Variants in PALM2AKAP2 observed in about 807,000 individuals in gnomAD.
PALM2AKAP2 encodes the protein PALM2-AKAP2 fusion protein.
In PALM2AKAP2, 37 loss-of-function variants were observed where a neutral mutation model predicts 71.5. The ratio of observed to expected loss-of-function variants is 0.52; its 90% CI spans 0.40 to 0.68. The LOEUF (loss-of-function observed/expected upper bound fraction) is 0.68. PALM2AKAP2 is among the 30% of genes least tolerant of loss of function. The probability of loss-of-function intolerance (pLI) is 0.00; values close to 1 mark genes in which losing one functional copy is unlikely to be tolerated. For synonymous variants in PALM2AKAP2, 468 were observed against 478.8 expected (o/e 0.98, Z 0.29); for missense variants, 1,224 against 1,191.8 (o/e 1.03, Z -0.40).
chr9:109,945,206 ATTT>A (rs1831475565), intron 6 of PALM2AKAP2: 1 of 152,148 alleles, frequency 6.6e-6, no homozygotes, highest in Non-Finnish European at 1.5e-5. Flanking sequence ...AAATAATTGC[ATTT>A]TAATGAGCAC....
intron 1 of PALM2AKAP2, among the ~76,000 whole-genome samples, chr9:109,841,262 A>C (rs1410986053): frequency 6.6e-6 from 1 of 150,650 alleles, no homozygotes; most frequent in East Asian, 2.0e-4. Context: ...AAACTATCGC[A>C]GGGACAAAAA....
rs933829553 is a variant in PALM2AKAP2, at chr9:110,135,187, A to G, written c.157-940A>G. Among the ~76,000 whole-genome samples, 2 of 114,500 alleles carry G rather than the reference A, an allele frequency of 1.7e-5. 1 individual carries two copies. Among genetic ancestry groups the G allele is most frequent in the East Asian group, 4.6e-4 (2 of 4,350 alleles). The allele number at this position is 114,500 out of a possible 152,430, so 75.1% of individuals were successfully genotyped here. A position where few individuals can be genotyped will look rare whatever the true frequency, so the allele number is the denominator to read the frequency against. On this transcript the variant is annotated intron_variant, in intron 1 of 3. Transcript: ENST00000374525. ...AAAATATATAAATATATATATATAT[A>G]TAAATCAGCCAGGGGTGATGGCACA...
At chr9:110,137,220 A>G in exon 2 of PALM2AKAP2, 1 of 1,614,230 alleles carries the variant, frequency 6.2e-7, no homozygotes, top group Admixed American at 1.7e-5. Context: ...GCTGCTCGCA[A>G]ACAATTTCAG....
chr9:110,050,995 G>C (rs1833699391), intron 1 of PALM2AKAP2, among the ~76,000 whole-genome samples: 1 of 152,106 alleles, frequency 6.6e-6, no homozygotes, highest in African/African-American at 2.4e-5. Context: ...CAATTATCTT[G>C]GACAGCACCA....
At chr9:110,096,789 T>G (rs1834850464) in intron 1 of PALM2AKAP2, among the ~76,000 whole-genome samples, 3 of 145,982 alleles carry the variant, frequency 2.1e-5, no homozygotes, top group Non-Finnish European at 3.0e-5. Context: ...TTGTGGGGGG[T>G]TGGGGGGGGG....
At chr9:109,798,583 C>T (rs1307938237) in intron 1 of PALM2AKAP2, among the ~76,000 whole-genome samples, 1 of 152,208 alleles carries the variant, frequency 6.6e-6, no homozygotes, top group Non-Finnish European at 1.5e-5. Flanking sequence ...TAAACATACC[C>T]TCACCTAGCC....
At chr9:109,836,987 T>G (rs917875854) in intron 1 of PALM2AKAP2, among the ~76,000 whole-genome samples, 1 of 152,114 alleles carries the variant, frequency 6.6e-6, no homozygotes, top group African/African-American at 2.4e-5. Flanking sequence ...TTCCCCAACA[T>G]AGCAATGCAG....
At chr9:109,915,836 C>T (rs1830675635) in intron 3 of PALM2AKAP2, among the ~76,000 whole-genome samples, 1 of 152,080 alleles carries the variant, frequency 6.6e-6, no homozygotes, top group South Asian at 2.1e-4. Flanking sequence ...CACCTGAGTT[C>T]ACAGACAAGA....
rs537746332 is a variant in PALM2AKAP2, at chr9:109,794,693, G to A, written c.45+14160G>A. ...GACCCTAGTGTCTCTGAATCATTAA[G>A]TACTTCCTTTCTGCCCTCTTCCATT... is the stretch of plus-strand genomic sequence containing the variant. On this transcript the variant is annotated intron_variant, in intron 1 of 9. Transcript: ENST00000302798. Among the ~76,000 whole-genome samples the A allele has an allele frequency of 8.5e-5, 13 of 152,304 alleles. No individual in the cohort carries two copies. The South Asian group carries it at 1.9e-3, about 22-fold the overall frequency.
At chr9:110,155,770 T>G (rs1415865290) in intron 2 of PALM2AKAP2, among the ~76,000 whole-genome samples, 1 of 152,234 alleles carries the variant, frequency 6.6e-6, no homozygotes, top group Non-Finnish European at 1.5e-5. Context: ...TCAAAGGTTT[T>G]ATAACACTGG....
At chr9:110,059,453 T>G (rs1428802062) in intron 1 of PALM2AKAP2, among the ~76,000 whole-genome samples, 1 of 152,250 alleles carries the variant, frequency 6.6e-6, no homozygotes, top group Non-Finnish European at 1.5e-5. Context: ...ATGGACATTA[T>G]CCTTGAAATA....
At chr9:110,108,403 C>T (rs1835167650) in intron 1 of PALM2AKAP2, among the ~76,000 whole-genome samples, 1 of 152,008 alleles carries the variant, frequency 6.6e-6, no homozygotes, top group Non-Finnish European at 1.5e-5. Context: ...GTGAGCCACC[C>T]CGCCTGGCTG....
At chr9:109,771,797 G>A (rs772047095) in intron 1 of PALM2AKAP2, among the ~76,000 whole-genome samples, 2 of 152,188 alleles carry the variant, frequency 1.3e-5, no homozygotes, top group African/African-American at 2.4e-5. Flanking sequence ...CCAACAGGAG[G>A]CACCTGGGTC....
chr9:109,874,694 A>G (rs1412990436), intron 2 of PALM2AKAP2, among the ~76,000 whole-genome samples: 4 of 152,330 alleles, frequency 2.6e-5, no homozygotes. Context: ...GAAACTTAAC[A>G]TGCCCAAAAT....
At chr9:109,809,318 A>G (rs1267758802) in intron 1 of PALM2AKAP2, among the ~76,000 whole-genome samples, 1 of 152,218 alleles carries the variant, frequency 6.6e-6, no homozygotes, top group Non-Finnish European at 1.5e-5. Flanking sequence ...GCCCAAGGCC[A>G]TGGGAACCCA....
chr9:109,911,502 A>G (rs1054722610), intron 3 of PALM2AKAP2, among the ~76,000 whole-genome samples: 10 of 152,236 alleles, frequency 6.6e-5, no homozygotes, highest in African/African-American at 2.4e-4. Flanking sequence ...TTGGGCTTCA[A>G]TATGATTACA....
At chr9:110,024,871 T>A (rs146922513) in intron 7 of PALM2AKAP2, 14,451 of 866,432 alleles carry the variant, frequency 0.017, 177 homozygotes, top group Middle Eastern at 0.031. Context: ...ATTTATTTTT[T>A]AAACACCTAT....
intron 1 of PALM2AKAP2, among the ~76,000 whole-genome samples, chr9:109,856,926 A>G (rs531860487): frequency 6.6e-5 from 10 of 152,164 alleles, no homozygotes; most frequent in African/African-American, 2.4e-4. Flanking sequence ...TGTGCACACT[A>G]TCTTGTTTTG....
At chr9:109,843,996 A>G (rs1828780734) in intron 1 of PALM2AKAP2, among the ~76,000 whole-genome samples, 1 of 152,216 alleles carries the variant, frequency 6.6e-6, no homozygotes, top group African/African-American at 2.4e-5. Flanking sequence ...GTCCTAGACA[A>G]AAACAACGGT....
Sources: gnomAD v4.1 joint callset for allele counts (sites outside exome capture counted in the v4.1 genomes callset) on GRCh38, gnomAD v4.1.1 for gene constraint, MANE v1.5 for transcripts, NCBI Gene and HGNC (gene_info 2026-07-23, HGNC 2026-07-21) for gene names.